Variants in CSF1R observed in about 807,000 individuals in gnomAD.
CSF1R encodes colony stimulating factor 1 receptor, also known as macrophage colony-stimulating factor 1 receptor.
Under a neutral mutation model 110.0 loss-of-function variants are expected in CSF1R, and 40 were observed. That is an observed-to-expected ratio of 0.36 (90% CI 0.28 to 0.47). CSF1R has a LOEUF of 0.47. Ranked by LOEUF, CSF1R falls within the 20% of genes least tolerant of loss-of-function variation. The pLI is 0.99. For missense variants in CSF1R, 1,052 were observed against 1,253.0 expected (o/e 0.84, Z 2.42); for synonymous variants, 523 against 503.4 (o/e 1.04, Z -0.52).
rs552275110 is a variant in CSF1R at position 150,069,825 on chromosome 5, GC to G, written c.1510+47del. ...GGAGGAGCCGCCTAAAGGAGCAGGG[GC>G]GGGGGGCGGGCGGGGGGGCGGTGCG... On this transcript the variant is annotated intron_variant, in intron 9 of 20. Transcript: ENST00000675795. 6.2e-4 allele frequency: 771 copies of G among 1,241,494 alleles called. 3 individuals are homozygous for G. The African/African-American group carries it at 0.011, about 18-fold the overall frequency. 76.9% of individuals were successfully genotyped at this position (1,241,494 alleles called of 1,614,324 possible).
intron 2 of CSF1R, 42 bp downstream of exon 2, chr5:150,080,725 C>T: frequency 6.2e-7 from 1 of 1,611,860 alleles, no homozygotes; most frequent in Non-Finnish European, 8.5e-7. Flanking sequence ...GTAGTGGGGC[C>T]TGCCGGGTCA....
At position 150,080,939 on chromosome 5, in the gene CSF1R, A is replaced by G; in HGVS notation, c.135T>C (p.Asn45=). ...GGGGGCCATCCCATTCCACGCTGCC[A>G]TTGCCCACACATCGCAAGGTCACCG... ...GATVTLRCVG[N]GSVEWDGPPS... Residue 45 remains asparagine, a synonymous_variant, in exon 2 of 21, where the codon AAT becomes AAC. Transcript: ENST00000675795. 6.2e-7 allele frequency: 1 copy of G among 1,614,152 alleles called. No homozygotes were observed. Among genetic ancestry groups the G allele is most frequent in the Non-Finnish European group, 8.5e-7 (1 of 1,180,014 alleles).
At chr5:150,088,959 GA>G (rs541988780), upstream of CSF1R, among the ~76,000 whole-genome samples, 138 of 152,206 alleles carry the variant, frequency 9.1e-4, no homozygotes, top group African/African-American at 3.2e-3. Flanking sequence ...TTAATAGAAT[GA>G]AAAAAATCCT....
At chr5:150,080,478 T>A in intron 2 of CSF1R, 142 bp from the exon 3 acceptor site, 1 of 1,191,362 alleles carries the variant, frequency 8.4e-7, no homozygotes, top group Non-Finnish European at 1.1e-6. Flanking sequence ...AGCGGATGCT[T>A]CAGCGTGGTG....
At position 150,070,506 on chromosome 5, in the gene CSF1R, G is replaced by T; in HGVS notation, c.1148C>A (p.Ala383Asp). The T allele has an allele frequency of 6.4e-7, 1 of 1,557,548 alleles. No individual in the cohort carries two copies. The highest frequency in any genetic ancestry group is 2.0e-5 in the Admixed American group (1 of 51,156). Residue 383 changes from alanine (A) to aspartate (D), a missense_variant, in exon 7 of 21, where the codon GCC becomes GAC. Physicochemically the swap from Ala to Asp is moderately radical, Grantham distance 126. This residue lies in a region of CSF1R where 693 missense variants were observed against 735.4 expected (regional missense o/e 0.94). Transcript: ENST00000675795. ...AGCTCTCCAGCCTCCTGGGTTTCTG[G>T]CCAGGAAGGAGTAGCGGCCAGCCTC... The part of the protein sequence containing the change: ...PSEAGRYSFL[A>D]RNPGGWRALT...
chr5:150,092,724 T>C (rs948851980), intron 1 of CSF1R, among the ~76,000 whole-genome samples: 1 of 152,160 alleles, frequency 6.6e-6, no homozygotes, highest in African/African-American at 2.4e-5. Flanking sequence ...ATGATTCAAT[T>C]ATCTCCACCT....
At position 150,057,354 on chromosome 5, in the gene CSF1R, T is replaced by C. The variant is rs1561906977; in HGVS notation, c.2252A>G (p.Glu751Gly). The C allele has an allele frequency of 6.2e-7, 1 of 1,614,020 alleles. No homozygotes were observed. Among genetic ancestry groups the C allele is most frequent in the Non-Finnish European group, 8.5e-7 (1 of 1,180,002 alleles). Reference protein sequence around the residue: ...DLDKEDGRPLELRDLLHFSSQ... With the variant: ...DLDKEDGRPLGLRDLLHFSSQ... The stretch of plus-strand genomic sequence containing the variant: ...GGAGAAGTGAAGCAGGTCCCGGAGC[T>C]CCAGGGGCCGTCCATCCTCCTTGTC... The change falls in exon 16 of 21, where the codon GAG becomes GGG. Residue 751 changes from glutamate (E) to glycine (G), a missense_variant. Physicochemically the swap from Glu to Gly is moderately conservative, Grantham distance 98. Coordinates refer to ENST00000675795, the MANE Select transcript of CSF1R (RefSeq NM_001288705.3).
chr5:150,105,380 ATATATTT>A (rs1365144199), intron 1 of CSF1R, among the ~76,000 whole-genome samples: 37 of 85,854 alleles, frequency 4.3e-4, no homozygotes, highest in Admixed American at 4.2e-3. Context: ...ATATATATAT[ATATATTT>A]TTTTTTTTTT....
chr5:150,065,917 T>C (rs216144), intron 10 of CSF1R, among the ~76,000 whole-genome samples: 121,786 of 152,272 alleles, frequency 0.8, 49,050 homozygotes, highest in African/African-American at 0.91. Flanking sequence ...GGCCCTAGGC[T>C]CTTCTCTGGA....
In CSF1R at chr5:150,083,531, C is replaced by T. The variant is rs578063280; in HGVS notation, c.50-2507G>A. The stretch of plus-strand genomic sequence containing the variant: ...TCTCCTCACAGTGGCCCCTCATCCA[C>T]TCATCATTGGTCTGTTGGGCTGAAA... On this transcript the variant is annotated intron_variant, in intron 1 of 20. Coordinates refer to ENST00000675795, the MANE Select transcript of CSF1R (RefSeq NM_001288705.3). 1.0e-3 allele frequency among the ~76,000 whole-genome samples: 157 copies of T among 152,166 alleles called. 1 individual carries two copies. The highest frequency in any genetic ancestry group is 3.5e-3 in the African/African-American group (147 of 41,532).
intron 10 of CSF1R, 32 bp downstream of exon 10, chr5:150,068,183 G>T: frequency 6.4e-7 from 1 of 1,567,958 alleles, no homozygotes; most frequent in Non-Finnish European, 8.7e-7. Context: ...GCTCACTCAG[G>T]CACCTGGCAG....
rs200292990 is a variant in CSF1R, at chr5:150,077,981, C to T, written c.729+131G>A. 3.6e-5 allele frequency: 44 copies of T among 1,213,154 alleles called. 1 individual carries two copies. In the African/African-American group the frequency reaches 5.9e-4, roughly 16 times the overall value. 75.1% of individuals were successfully genotyped at this position (1,213,154 alleles called of 1,614,324 possible). On this transcript the variant is annotated intron_variant, in intron 4 of 20. Coordinates refer to ENST00000675795, the MANE Select transcript of CSF1R (RefSeq NM_001288705.3). ...TGAGATCTCGGGTGAGTCTGCACCC[C>T]TCTCTGGAGTCTGAGCTGTGCCTTC...
At chr5:150,084,467 G>T (rs111486705) in intron 1 of CSF1R, among the ~76,000 whole-genome samples, 1 of 64,358 alleles carries the variant, frequency 1.6e-5, no homozygotes, top group Admixed American at 1.3e-4. Context: ...AGAAAGAAAG[G>T]AAGGAGATGG....
intron 1 of CSF1R, chr5:150,113,205 T>C (rs41334145): frequency 0.23 from 34,601 of 153,210 alleles, 5,872 homozygotes; most frequent in East Asian, 0.47. Flanking sequence ...GGTCTACACC[T>C]CTCTGCCCTC....
intron 1 of CSF1R, among the ~76,000 whole-genome samples, chr5:150,091,678 A>G (rs1481575719): frequency 3.3e-5 from 5 of 152,148 alleles, no homozygotes; most frequent in African/African-American, 1.2e-4. Flanking sequence ...TTGGAACTAG[A>G]TAAAGGTGAT....
In CSF1R at chr5:150,072,459, A is replaced by G. The variant is rs145297400; in HGVS notation, c.1082+842T>C. Among the ~76,000 whole-genome samples, 275 of 152,276 alleles carry G rather than the reference A, an allele frequency of 1.8e-3. 1 individual carries two copies. Among genetic ancestry groups the G allele is most frequent in the African/African-American group, 6.4e-3 (265 of 41,554 alleles). ...CAGTGAGCCGAGATTGTGCCATTGC[A>G]CTCCAGCAACAAGAGCAAAACTCCA... On this transcript the variant is annotated intron_variant, in intron 6 of 20. Coordinates refer to ENST00000675795, the MANE Select transcript of CSF1R (RefSeq NM_001288705.3).
Position 150,069,859 on chromosome 5 carries a change from A to G in CSF1R, c.1510+14T>C, listed in dbSNP as rs566152009. The G allele has an allele frequency of 6.3e-7, 1 of 1,589,940 alleles. No homozygotes were observed. Among genetic ancestry groups the G allele is most frequent in the Admixed American group, 1.7e-5 (1 of 58,798 alleles). The stretch of plus-strand genomic sequence containing the variant: ...GGGCGGGGGGGCGGTGCGGGTGCGA[A>G]GGCTCCCTCTCACCTGCAGAGATGG... On this transcript the variant is annotated intron_variant, in intron 9 of 20. Coordinates refer to ENST00000675795, the MANE Select transcript of CSF1R (RefSeq NM_001288705.3).
At chr5:150,070,942 A>G (rs1322550088) in intron 6 of CSF1R, among the ~76,000 whole-genome samples, 1 of 152,154 alleles carries the variant, frequency 6.6e-6, no homozygotes, top group Non-Finnish European at 1.5e-5. Flanking sequence ...GCCAAGAGGG[A>G]CTGAGAAAGA....
intron 14 of CSF1R, chr5:150,058,054 A>C (rs1250437553): frequency 5.5e-6 from 2 of 365,150 alleles, no homozygotes; most frequent in African/African-American, 4.3e-5. Flanking sequence ...TACTTCAGAA[A>C]CTCTAGGGAC....
Sources: gnomAD v4.1 joint callset for allele counts (sites outside exome capture counted in the v4.1 genomes callset) on GRCh38, gnomAD v4.1.1 for gene constraint, gnomAD v4.1.1 regional missense constraint, MANE v1.5 for transcripts, NCBI Gene and HGNC (gene_info 2026-07-23, HGNC 2026-07-21) for gene names.